Variants in ERBB4 observed in about 807,000 individuals in gnomAD.
ERBB4 encodes the protein receptor tyrosine-protein kinase erbB-4.
In ERBB4, 42 loss-of-function variants were observed where a neutral mutation model predicts 158.0. The observed-to-expected ratio is 0.27, with a 90% CI of 0.21 to 0.34. The LOEUF (loss-of-function observed/expected upper bound fraction) is 0.34. ERBB4 is among the 10% of genes least tolerant of loss of function. The pLI is 1.00. For synonymous variants in ERBB4, 583 were observed against 558.7 expected (o/e 1.04, Z -0.61); for missense variants, 1,333 against 1,624.1 (o/e 0.82, Z 3.08).
At chr2:212,393,149 T>G (rs2090927826) in intron 1 of ERBB4, among the ~76,000 whole-genome samples, 1 of 152,076 alleles carries the variant, frequency 6.6e-6, no homozygotes, top group African/African-American at 2.4e-5. Flanking sequence ...TTCAAATTAT[T>G]CTGTCCCATG....
At chr2:212,027,950 T>A (rs1362986411) in intron 2 of ERBB4, among the ~76,000 whole-genome samples, 2 of 152,058 alleles carry the variant, frequency 1.3e-5, no homozygotes, top group South Asian at 2.1e-4. Context: ...AACGTACAAC[T>A]CATAATCATA....
At chr2:211,904,091 A>T (rs1234885439) in intron 3 of ERBB4, among the ~76,000 whole-genome samples, 2 of 152,148 alleles carry the variant, frequency 1.3e-5, no homozygotes, top group Non-Finnish European at 2.9e-5. Context: ...TGTCAAAGGC[A>T]AATAAATACT....
intron 20 of ERBB4, among the ~76,000 whole-genome samples, chr2:211,499,231 A>T (rs1339253081): frequency 6.6e-6 from 1 of 152,058 alleles, no homozygotes; most frequent in East Asian, 1.9e-4. Flanking sequence ...GAGATGAGAA[A>T]ACTGTGACTC....
At chr2:212,302,237 T>C (rs2086650331) in intron 1 of ERBB4, among the ~76,000 whole-genome samples, 1 of 151,484 alleles carries the variant, frequency 6.6e-6, no homozygotes, top group African/African-American at 2.4e-5. Flanking sequence ...GATCACCTGG[T>C]ACACAGGAAA....
intron 2 of ERBB4, among the ~76,000 whole-genome samples, chr2:211,992,921 C>T (rs943523703): frequency 6.6e-6 from 1 of 152,160 alleles, no homozygotes; most frequent in African/African-American, 2.4e-5. Context: ...TATATATTAC[C>T]TAAAACCCAG....
chr2:211,415,639 A>G (rs1190139353), intron 25 of ERBB4, among the ~76,000 whole-genome samples: 1 of 152,184 alleles, frequency 6.6e-6, no homozygotes, highest in Non-Finnish European at 1.5e-5. Context: ...TATAAAAATA[A>G]ATATCTATAT....
intron 1 of ERBB4, among the ~76,000 whole-genome samples, chr2:212,176,575 T>C (rs556206485): frequency 9.9e-5 from 15 of 152,122 alleles, no homozygotes; most frequent in Non-Finnish European, 1.9e-4. Flanking sequence ...TATGTTATTT[T>C]ATTATAGCAG....
At chr2:211,717,659 G>T (rs1034635431) in intron 7 of ERBB4, among the ~76,000 whole-genome samples, 9 of 149,658 alleles carry the variant, frequency 6.0e-5, no homozygotes, top group African/African-American at 1.7e-4. Context: ...TGAAACCCAG[G>T]CTCCACTAAA....
intron 1 of ERBB4, among the ~76,000 whole-genome samples, chr2:212,423,940 A>G (rs13413335): frequency 6.6e-6 from 1 of 152,066 alleles, no homozygotes; most frequent in Non-Finnish European, 1.5e-5. Context: ...CCAAAAGTTT[A>G]TTATTAAAAC....
chr2:211,462,958 T>C (rs1190836916), intron 20 of ERBB4, among the ~76,000 whole-genome samples: 1 of 152,142 alleles, frequency 6.6e-6, no homozygotes, highest in African/African-American at 2.4e-5. Flanking sequence ...ATAAATCTGA[T>C]AGAAAGCAGT....
chr2:211,896,019 C>T (rs2079088696), intron 3 of ERBB4, among the ~76,000 whole-genome samples: 1 of 152,122 alleles, frequency 6.6e-6, no homozygotes, highest in Admixed American at 6.6e-5. Context: ...CTCTTCCCTA[C>T]TGTTGGTAGG....
chr2:211,654,537 C>T (rs6759017), intron 16 of ERBB4, among the ~76,000 whole-genome samples: 144,506 of 152,304 alleles, frequency 0.95, 68,619 homozygotes, highest in East Asian at 1. Flanking sequence ...GATTAACGCC[C>T]TGTTGATATG....
chr2:211,835,085 GATCTT>G (rs2077311139), intron 3 of ERBB4, among the ~76,000 whole-genome samples: 1 of 151,964 alleles, frequency 6.6e-6, no homozygotes, highest in African/African-American at 2.4e-5. Context: ...TTTAGGGAAA[GATCTT>G]TTTTAAGCCC....
chr2:211,658,835 G>T (rs1364122023), intron 15 of ERBB4, among the ~76,000 whole-genome samples: 2 of 152,026 alleles, frequency 1.3e-5, no homozygotes, highest in Admixed American at 1.3e-4. Flanking sequence ...GCAGTCCCTA[G>T]AATTTCATTT....
At chr2:212,057,630 TC>T (rs2077622226) in intron 2 of ERBB4, among the ~76,000 whole-genome samples, 1 of 152,178 alleles carries the variant, frequency 6.6e-6, no homozygotes, top group African/African-American at 2.4e-5. Context: ...AGAAACTCCC[TC>T]AAAACTGCTC....
At chr2:212,297,705 G>T (rs936681667) in intron 1 of ERBB4, among the ~76,000 whole-genome samples, 3 of 151,540 alleles carry the variant, frequency 2.0e-5, no homozygotes, top group Non-Finnish European at 4.4e-5. Flanking sequence ...CTCAAATAAA[G>T]TAAATATTTC....
chr2:212,139,730 A>G (rs2080386709), intron 1 of ERBB4, among the ~76,000 whole-genome samples: 1 of 151,982 alleles, frequency 6.6e-6, no homozygotes, highest in South Asian at 2.1e-4. Flanking sequence ...GGTAAATACA[A>G]TTTCAAACTA....
At chr2:211,453,044 TTTCTC>T (rs1263175726) in intron 20 of ERBB4, among the ~76,000 whole-genome samples, 4 of 152,192 alleles carry the variant, frequency 2.6e-5, no homozygotes, top group Non-Finnish European at 4.4e-5. Context: ...TTTAATTTCT[TTTCTC>T]TACTACCAGA....
At chr2:211,683,635 T>C (rs2072445931) in intron 12 of ERBB4, among the ~76,000 whole-genome samples, 1 of 152,150 alleles carries the variant, frequency 6.6e-6, no homozygotes, top group East Asian at 1.9e-4. Context: ...TTAGGGCTAC[T>C]ATAAACATTT....
Sources: gnomAD v4.1 joint callset for allele counts (sites outside exome capture counted in the v4.1 genomes callset) on GRCh38, gnomAD v4.1.1 for gene constraint, MANE v1.5 for transcripts, NCBI Gene and HGNC (gene_info 2026-07-23, HGNC 2026-07-21) for gene names.